Variants in NKAP observed in about 807,000 individuals in gnomAD.
NKAP encodes the protein NF-kappa-B-activating protein.
NKAP carries 4 observed loss-of-function variants against 35.6 expected under a neutral mutation model. That is an observed-to-expected ratio of 0.11 (90% CI 0.06 to 0.26). The LOEUF is 0.26. NKAP is among the 10% of genes least tolerant of loss of function. The pLI is 1.00. For synonymous variants in NKAP, 106 were observed against 119.2 expected, an observed-to-expected ratio of 0.89 and a Z score of 0.72; for missense variants, 238 against 321.9, an observed-to-expected ratio of 0.74 and a Z score of 1.99.
At chrX:119,928,881 C>T (rs376192175) in intron 8 of NKAP, among the ~76,000 whole-genome samples, 2 of 109,560 alleles carry the variant, frequency 1.8e-5, no homozygotes, top group East Asian at 2.9e-4. Flanking sequence ...ATTGTTATAT[C>T]GCCCTTTCCA....
In NKAP at chrX:119,938,078, C is replaced by T. The variant is rs189907940; in HGVS notation, c.467+652G>A. On this transcript the variant is annotated intron_variant, in intron 2 of 8. Transcript: ENST00000371410. Reference sequence around the variant, plus strand: ...ATTAACAAAACCATACTGGTATATTCGTTTTAAAAAATCTCTTTGTAGGCT... The same window carrying T: ...ATTAACAAAACCATACTGGTATATTTGTTTTAAAAAATCTCTTTGTAGGCT... The T allele has an allele frequency of 6.2e-5, 7 of 112,024 alleles. No homozygotes were observed. The East Asian group carries it at 2.0e-3, about 31-fold the overall frequency. The allele number at this position is 112,024 out of a possible 1,213,427, so 9.2% of individuals were successfully genotyped here. A position where few individuals can be genotyped will look rare whatever the true frequency, so the allele number is the denominator to read the frequency against.
intron 7 of NKAP, among the ~76,000 whole-genome samples, chrX:119,930,416 T>C (rs1003989199): frequency 2.7e-5 from 3 of 112,401 alleles, no homozygotes; most frequent in South Asian, 7.2e-4. Flanking sequence ...AGAAAAGAAC[T>C]GCTGTGAGTA....
rs2056704856 is a variant in NKAP at position 119,925,163 on chromosome X, G to A, written c.*57C>T. 3 of 1,132,386 alleles carry A rather than the reference G, an allele frequency of 2.6e-6. No homozygotes were observed. Among genetic ancestry groups the A allele is most frequent in the Non-Finnish European group, 3.6e-6 (3 of 836,641 alleles). 93.3% of individuals were successfully genotyped at this position (1,132,386 alleles called of 1,213,427 possible). A position where few individuals can be genotyped will look rare whatever the true frequency, so the allele number is the denominator to read the frequency against. ...TAATAATCTTTTTCTATGTATGTGT[G>A]GAACCCAGACTTTCTTTTTTGTTGT... On this transcript the variant is annotated 3_prime_UTR_variant, in exon 9 of 9. Transcript: ENST00000371410.
Position 119,921,547 on chromosome X carries a change from C to T in NKAP, c.*3673G>A, listed in dbSNP as rs2056688171. ...AAACTAGATAAGTCTCCTTGGAGAACAAAAAATATATTTAAAATACAATAG... is the reference window on the plus strand; with the variant it reads ...AAACTAGATAAGTCTCCTTGGAGAATAAAAAATATATTTAAAATACAATAG... On this transcript the variant is annotated 3_prime_UTR_variant, in exon 9 of 9. Transcript: ENST00000371410. 9.4e-6 allele frequency: 1 copy of T among 106,044 alleles called. No individual in the cohort carries two copies. The highest frequency in any genetic ancestry group is 1.9e-5 in the Non-Finnish European group (1 of 51,760). The allele number at this position is 106,044 out of a possible 1,213,427, so 8.7% of individuals were successfully genotyped here.
intron 5 of NKAP, 23 bp from the exon 6 acceptor site, chrX:119,932,239 C>T (rs148631319): frequency 0.013 from 14,262 of 1,067,878 alleles, 118 homozygotes; most frequent in Non-Finnish European, 0.013. Context: ...TAATTTGATA[C>T]AAATTCACTT....
Position 119,924,057 on chromosome X carries a change from G to C in NKAP, c.*1163C>G, listed in dbSNP as rs2056698493. 1 of 112,141 alleles carries C rather than the reference G, an allele frequency of 8.9e-6. No homozygotes were observed. The highest frequency in any genetic ancestry group is 1.9e-5 in the Non-Finnish European group (1 of 53,262). The allele number at this position is 112,141 out of a possible 1,213,427, so 9.2% of individuals were successfully genotyped here. ...TTTGTTGGTTTTAGAGTGGAGGTAG[G>C]GACTTAAATCAAAACCCATTATTTC... is the stretch of plus-strand genomic sequence containing the variant. On this transcript the variant is annotated 3_prime_UTR_variant, in exon 9 of 9. Coordinates refer to ENST00000371410, the MANE Select transcript of NKAP (RefSeq NM_024528.4).
chrX:119,937,850 C>A (rs941911330), intron 2 of NKAP: 1 of 110,302 alleles, frequency 9.1e-6, no homozygotes, highest in African/African-American at 3.3e-5. Context: ...CTAAAGGTAT[C>A]TGTAAGAACA....
At position 119,932,257 on chromosome X, in the gene NKAP, CTA is replaced by C. The variant is rs753178816; in HGVS notation, c.738-43_738-42del. The stretch of plus-strand genomic sequence containing the variant: ...TTTGATACAAATTCACTTAATCTTC[CTA>C]TGTTAGAGGGCATCTTAATTTTTCT... On this transcript the variant is annotated intron_variant, in intron 5 of 8. Transcript: ENST00000371410. The C allele has an allele frequency of 5.1e-6, 5 of 981,699 alleles. No homozygotes were observed. The African/African-American group carries it at 7.8e-5, about 15-fold the overall frequency. The allele number at this position is 981,699 out of a possible 1,213,427, so 80.9% of individuals were successfully genotyped here.
At chrX:119,932,272 T>G (rs2056745503) in intron 5 of NKAP, 56 bp from the exon 6 acceptor site, 1 of 851,695 alleles carries the variant, frequency 1.2e-6, no homozygotes, top group East Asian at 3.2e-5. Flanking sequence ...TTAGAGGGCA[T>G]CTTAATTTTT....
At position 119,920,682 on chromosome X, in the gene NKAP, G is replaced by T. The variant is rs2056684684; in HGVS notation, c.*4538C>A. 1.3e-6 allele frequency: 1 copy of T among 758,771 alleles called. No homozygotes were observed. Among genetic ancestry groups the T allele is most frequent in the East Asian group, 3.4e-5 (1 of 29,248 alleles). 62.5% of individuals were successfully genotyped at this position (758,771 alleles called of 1,213,427 possible). A position where few individuals can be genotyped will look rare whatever the true frequency, so the allele number is the denominator to read the frequency against. ...ATACAATACAGCACGTCAAACCACA[G>T]AATATTTATTGAGTAATAAACTTGT... is the stretch of plus-strand genomic sequence containing the variant. On this transcript the variant is annotated 3_prime_UTR_variant, in exon 9 of 9. Transcript: ENST00000371410.
intron 2 of NKAP, 150 bp downstream of exon 2, chrX:119,938,580 T>C: frequency 2.5e-6 from 1 of 396,197 alleles, no homozygotes; most frequent in East Asian, 4.1e-5. Flanking sequence ...ATGTTCTATG[T>C]TTTTAAAACT....
At chrX:119,940,032 A>G (rs1185900696) in intron 1 of NKAP, among the ~76,000 whole-genome samples, 1 of 109,086 alleles carries the variant, frequency 9.2e-6, no homozygotes, top group East Asian at 3.0e-4. Context: ...AAAAAGTTTC[A>G]TTTAACAAAA....
chrX:119,942,508 T>C (rs2056798234), intron 1 of NKAP, among the ~76,000 whole-genome samples: 2 of 111,012 alleles, frequency 1.8e-5, no homozygotes, highest in Non-Finnish European at 3.8e-5. Context: ...AAGCTATGCA[T>C]TTTTCCACTC....
chrX:119,924,887 T>C lies in NKAP; in HGVS notation c.*333A>G, dbSNP rs1027834044. On this transcript the variant is annotated 3_prime_UTR_variant, in exon 9 of 9. Transcript: ENST00000371410. ...TTTCAGTAGGGACAGGGTTTCACCA[T>C]GTTGGCCAGGCTGGTCTCGAACTCC... 4 of 198,508 alleles carry C rather than the reference T, an allele frequency of 2.0e-5. No homozygotes were observed. Among genetic ancestry groups the C allele is most frequent in the Non-Finnish European group, 3.6e-5 (4 of 112,367 alleles). 16.4% of individuals were successfully genotyped at this position (198,508 alleles called of 1,213,427 possible). A position where few individuals can be genotyped will look rare whatever the true frequency, so the allele number is the denominator to read the frequency against.
rs1390984967 is a variant in NKAP at position 119,924,966 on chromosome X, G to A, written c.*254C>T. ...CTCCCAAAGTGCTGGGATTACAGGC[G>A]TGAGCAACCGTGCCCAGCCCATAAT... On this transcript the variant is annotated 3_prime_UTR_variant, in exon 9 of 9. Transcript: ENST00000371410. The A allele has an allele frequency of 1.6e-5, 5 of 322,118 alleles. No homozygotes were observed. Among genetic ancestry groups the A allele is most frequent in the East Asian group, 6.4e-5 (1 of 15,609 alleles). The allele number at this position is 322,118 out of a possible 1,213,427, so 26.5% of individuals were successfully genotyped here.
intron 8 of NKAP, among the ~76,000 whole-genome samples, chrX:119,928,279 C>T (rs1207654690): frequency 1.8e-5 from 2 of 112,229 alleles, no homozygotes; most frequent in African/African-American, 6.5e-5. Flanking sequence ...AATACACAAT[C>T]TCTTAATAAT....
At chrX:119,933,279 T>C (rs1237168655) in intron 5 of NKAP, among the ~76,000 whole-genome samples, 2 of 112,144 alleles carry the variant, frequency 1.8e-5, no homozygotes, top group African/African-American at 3.2e-5. Flanking sequence ...AAGTTTCTCT[T>C]ATAGAATCAT....
rs1176511553 is a variant in NKAP at position 119,923,196 on chromosome X, G to A, written c.*2024C>T. 2 of 111,585 alleles carry A rather than the reference G, an allele frequency of 1.8e-5. No homozygotes were observed. The highest frequency in any genetic ancestry group is 3.8e-5 in the Non-Finnish European group (2 of 53,148). The allele number at this position is 111,585 out of a possible 1,213,427, so 9.2% of individuals were successfully genotyped here. A position where few individuals can be genotyped will look rare whatever the true frequency, so the allele number is the denominator to read the frequency against. ...ACTGGGCTCCAGCCTGAGTGACAGAGTGAGACTCTATCTCAAAAAACAAAA... is the reference window on the plus strand; with the variant it reads ...ACTGGGCTCCAGCCTGAGTGACAGAATGAGACTCTATCTCAAAAAACAAAA... On this transcript the variant is annotated 3_prime_UTR_variant, in exon 9 of 9. Transcript: ENST00000371410.
chrX:119,939,898 CA>C (rs1214924807), intron 1 of NKAP, among the ~76,000 whole-genome samples: 77 of 92,707 alleles, frequency 8.3e-4, no homozygotes, highest in East Asian at 8.0e-4. Context: ...GACTCCGTCT[CA>C]AAAAAAAAAA....
Sources: gnomAD v4.1 joint callset for allele counts (sites outside exome capture counted in the v4.1 genomes callset) on GRCh38, gnomAD v4.1.1 for gene constraint, MANE v1.5 for transcripts, NCBI Gene and HGNC (gene_info 2026-07-23, HGNC 2026-07-21) for gene names.